FIP1L1: variants seen among roughly 807,000 people sequenced by gnomAD.
The protein encoded by FIP1L1 is pre-mRNA 3'-end-processing factor FIP1.
FIP1L1 carries 21 observed loss-of-function variants against 84.6 expected under a neutral mutation model. That is an observed-to-expected ratio of 0.25 (90% CI 0.18 to 0.36). FIP1L1 has a LOEUF of 0.36. FIP1L1 is among the 10% of genes least tolerant of loss of function. The pLI is 1.00. For synonymous variants in FIP1L1, 263 were observed against 242.3 expected, an observed-to-expected ratio of 1.09 and a Z score of -0.80; for missense variants, 526 against 751.1, an observed-to-expected ratio of 0.70 and a Z score of 3.50.
At chr4:53,403,267 AC>A (rs1361425145) in intron 10 of FIP1L1, among the ~76,000 whole-genome samples, 2 of 152,132 alleles carry the variant, frequency 1.3e-5, no homozygotes, top group African/African-American at 4.8e-5. Context: ...GTACAGTACT[AC>A]TTTCTTATCT....
At position 53,379,232 on chromosome 4, in the gene FIP1L1, T is replaced by C. The variant is rs199730748; in HGVS notation, c.138T>C (p.Asn46=). 134 of 1,605,842 alleles carry C rather than the reference T, an allele frequency of 8.3e-5. No homozygotes were observed. In the African/African-American group the frequency reaches 1.6e-3, roughly 20 times the overall value. The change falls in exon 3 of 18, where the codon AAT becomes AAC. Residue 46 remains asparagine (N), a synonymous_variant. Transcript: ENST00000337488. ...HSDLAKDLDE[N]EVERPEEENA... ...GTTTATTTTACTTGGTAGATGAAAATGAAGTTGAAAGGCCAGAAGAAGAAA... is the reference window on the plus strand; with the variant it reads ...GTTTATTTTACTTGGTAGATGAAAACGAAGTTGAAAGGCCAGAAGAAGAAA...
chr4:53,415,059 T>G (rs1758880717), intron 11 of FIP1L1, among the ~76,000 whole-genome samples: 1 of 152,150 alleles, frequency 6.6e-6, no homozygotes, highest in African/African-American at 2.4e-5. Context: ...TTTTCACTAC[T>G]TATCGAATAA....
intron 3 of FIP1L1, among the ~76,000 whole-genome samples, chr4:53,380,158 T>C (rs935701001): frequency 4.6e-5 from 6 of 130,198 alleles, no homozygotes; most frequent in African/African-American, 1.5e-4. Flanking sequence ...TGAAAACATA[T>C]TCAGACAAAA....
chr4:53,378,155 T>TG, intron 1 of FIP1L1: 3 of 406,496 alleles, frequency 7.4e-6, no homozygotes, highest in Non-Finnish European at 8.7e-6. Flanking sequence ...CGGGCCGGGC[T>TG]GGGGGGCTGT....
At chr4:53,398,647 AAGG>A (rs1404471522) in intron 9 of FIP1L1, among the ~76,000 whole-genome samples, 1 of 152,184 alleles carries the variant, frequency 6.6e-6, no homozygotes, top group African/African-American at 2.4e-5. Flanking sequence ...ATTTAAGTGT[AAGG>A]AAACTTGAAT....
chr4:53,459,175 A>G, intron 17 of FIP1L1, 127 bp from the exon 18 acceptor site: 1 of 698,780 alleles, frequency 1.4e-6, no homozygotes. Context: ...CATTATATTT[A>G]TGAGAAAATG....
chr4:53,439,104 T>A (rs1475435086), intron 13 of FIP1L1, among the ~76,000 whole-genome samples: 1 of 152,098 alleles, frequency 6.6e-6, no homozygotes, highest in Non-Finnish European at 1.5e-5. Flanking sequence ...CTAAAGAAAA[T>A]TAGGTTGTAG....
At chr4:53,425,134 G>T (rs980464023) in intron 11 of FIP1L1, among the ~76,000 whole-genome samples, 6 of 152,096 alleles carry the variant, frequency 3.9e-5, no homozygotes, top group Non-Finnish European at 5.9e-5. Context: ...ATTTCTCCAA[G>T]TGACTTCTAT....
At chr4:53,396,051 T>C (rs1747118604) in intron 9 of FIP1L1, among the ~76,000 whole-genome samples, 1 of 152,116 alleles carries the variant, frequency 6.6e-6, no homozygotes, top group Admixed American at 6.5e-5. Flanking sequence ...CCCGAGTAGC[T>C]GGGATTACAG....
chr4:53,393,949 A>C (rs993598150), intron 9 of FIP1L1, among the ~76,000 whole-genome samples: 2 of 151,812 alleles, frequency 1.3e-5, no homozygotes, highest in African/African-American at 4.8e-5. Flanking sequence ...TTTCTTTTCT[A>C]TTCTAGATAA....
rs531372896 is a variant in FIP1L1, at chr4:53,426,993, T to G, written c.1017+1028T>G. Among the ~76,000 whole-genome samples the G allele has an allele frequency of 2.6e-5, 4 of 152,324 alleles. No homozygotes were observed. In the South Asian group the frequency reaches 8.3e-4, roughly 32 times the overall value. Reference sequence around the variant, plus strand: ...AAAAATGTCCAGAGCACTTTATTCTTACCTTTGATAAGTTGATCATGTAAA... The same window carrying G: ...AAAAATGTCCAGAGCACTTTATTCTGACCTTTGATAAGTTGATCATGTAAA... On this transcript the variant is annotated intron_variant, in intron 12 of 17. Coordinates refer to ENST00000337488, the MANE Select transcript of FIP1L1 (RefSeq NM_030917.4).
rs760620200 is a variant in FIP1L1 at position 53,442,669 on chromosome 4, A to G, written c.1191A>G (p.Pro397=). ...LIPPPGFPPP[P]GAPPPSLIPT... ...ATGTTTCAGGTTTTCCTCCTCCACC[A>G]GGCGCTCCACCTCCATCTCTTATAC... The change falls in exon 14 of 18, where the codon CCA becomes CCG. Residue 397 remains proline, a synonymous_variant. Transcript: ENST00000337488. 3 of 1,605,988 alleles carry G rather than the reference A, an allele frequency of 1.9e-6. No individual in the cohort carries two copies. In the South Asian group the frequency reaches 3.3e-5, roughly 18 times the overall value.
intron 11 of FIP1L1, among the ~76,000 whole-genome samples, chr4:53,424,845 T>G (rs147711074): frequency 6.6e-6 from 1 of 152,260 alleles, no homozygotes; most frequent in Non-Finnish European, 1.5e-5. Flanking sequence ...TGCTATTTAA[T>G]TCATGCTTGT....
intron 10 of FIP1L1, among the ~76,000 whole-genome samples, chr4:53,408,583 A>T (rs1362800924): frequency 1.3e-5 from 2 of 152,222 alleles, no homozygotes; most frequent in Non-Finnish European, 2.9e-5. Context: ...AATATCCTGC[A>T]GAGTATTTTG....
intron 15 of FIP1L1, among the ~76,000 whole-genome samples, chr4:53,448,255 C>T (rs1364021287): frequency 1.3e-5 from 2 of 151,936 alleles, no homozygotes; most frequent in East Asian, 1.9e-4. Context: ...GAGGGATGTA[C>T]GATTGTCGTC....
rs189857052 is a variant in FIP1L1, at chr4:53,413,862, A to G, written c.816-753A>G. Among the ~76,000 whole-genome samples, 9 of 152,268 alleles carry G rather than the reference A, an allele frequency of 5.9e-5. No individual in the cohort carries two copies. In the East Asian group the frequency reaches 1.7e-3, roughly 29 times the overall value. On this transcript the variant is annotated intron_variant, in intron 10 of 17. Transcript: ENST00000337488. ...GAAAGGCAAGAGTATCCAAAGGTATATAGAAACTTGTCACATCTTTCTCTG... is the reference window on the plus strand; with the variant it reads ...GAAAGGCAAGAGTATCCAAAGGTATGTAGAAACTTGTCACATCTTTCTCTG...
chr4:53,422,660 A>G (rs1762829689), intron 11 of FIP1L1, among the ~76,000 whole-genome samples: 1 of 151,752 alleles, frequency 6.6e-6, no homozygotes, highest in South Asian at 2.1e-4. Flanking sequence ...GTTGTTAATG[A>G]TGTCCTTTGC....
chr4:53,401,202 A>G (rs1329045818), intron 10 of FIP1L1, among the ~76,000 whole-genome samples: 1 of 152,220 alleles, frequency 6.6e-6, no homozygotes, highest in Non-Finnish European at 1.5e-5. Flanking sequence ...GTTTGCTATT[A>G]TACTTAAACT....
intron 13 of FIP1L1, among the ~76,000 whole-genome samples, chr4:53,434,471 ATT>A (rs35389500): frequency 4.1e-4 from 58 of 142,418 alleles, no homozygotes; most frequent in Admixed American, 5.6e-4. Flanking sequence ...ATCTTAGTAA[ATT>A]TTTTTTTTTT....
Sources: allele counts gnomAD v4.1 joint callset (sites outside exome capture counted in the v4.1 genomes callset), GRCh38; gene constraint gnomAD v4.1.1; transcripts MANE v1.5; gene names NCBI Gene and HGNC (gene_info 2026-07-23, HGNC 2026-07-21).